The following LRMDA variants were observed in gnomAD, a reference collection of about 807,000 sequenced individuals.
The protein encoded by LRMDA is leucine rich melanocyte differentiation associated, also known as leucine-rich melanocyte differentiation-associated protein.
Under a neutral mutation model 29.8 loss-of-function variants are expected in LRMDA, and 18 were observed. The observed-to-expected ratio is 0.60, with a 90% CI of 0.42 to 0.90. LRMDA has a LOEUF of 0.90. LRMDA is among the 40% of genes least tolerant of loss of function. The pLI is 0.00. For synonymous variants in LRMDA, 125 were observed against 109.4 expected, an observed-to-expected ratio of 1.14 and a Z score of -0.89; for missense variants, 273 against 273.9, an observed-to-expected ratio of 1.00 and a Z score of 0.02.
chr10:75,659,006 A>G (rs1841714458), intron 2 of LRMDA, among the ~76,000 whole-genome samples: 1 of 152,190 alleles, frequency 6.6e-6, no homozygotes, highest in East Asian at 1.9e-4. Context: ...GAGAAGCTTG[A>G]TGGGCCTGGC....
chr10:75,710,193 A>G (rs1386405941), intron 2 of LRMDA, among the ~76,000 whole-genome samples: 2 of 152,232 alleles, frequency 1.3e-5, no homozygotes, highest in Non-Finnish European at 2.9e-5. Flanking sequence ...ATCAGAATCT[A>G]ATTTTTAGCA....
chr10:75,569,867 T>C (rs1490652688), intron 2 of LRMDA, among the ~76,000 whole-genome samples: 2 of 152,208 alleles, frequency 1.3e-5, no homozygotes, highest in African/African-American at 4.8e-5. Context: ...TTTTAATGTC[T>C]TTGCTGATGG....
chr10:75,471,327 A>T lies in LRMDA; in HGVS notation c.131+32833A>T, dbSNP rs1844723782. 2.0e-5 allele frequency among the ~76,000 whole-genome samples: 3 copies of T among 151,786 alleles called. No individual in the cohort carries two copies. The South Asian group carries it at 6.2e-4, about 32-fold the overall frequency. On this transcript the variant is annotated intron_variant, in intron 2 of 6. Transcript: ENST00000611255. Reference sequence around the variant, plus strand: ...CCTTTTTTTTTTTCTGTTGAAAACCATAATTCTACCCAAAGAGCCGTGTCT... The same window carrying T: ...CCTTTTTTTTTTTCTGTTGAAAACCTTAATTCTACCCAAAGAGCCGTGTCT...
At chr10:76,106,761 A>G (rs968325211) in intron 5 of LRMDA, among the ~76,000 whole-genome samples, 75 of 152,314 alleles carry the variant, frequency 4.9e-4, no homozygotes, top group Middle Eastern at 3.4e-3. Flanking sequence ...TCTCTATTAC[A>G]TCTTCTGGAG....
intron 5 of LRMDA, among the ~76,000 whole-genome samples, chr10:76,101,437 C>T: frequency 6.6e-6 from 1 of 152,090 alleles, no homozygotes; most frequent in East Asian, 1.9e-4. Flanking sequence ...ATCCCCTTTT[C>T]CTTTTAAAAA....
rs1377543536 is a variant in LRMDA at position 76,554,418 on chromosome 10, G to A, written c.602-2791G>A. Among the ~76,000 whole-genome samples, 11 of 152,102 alleles carry A rather than the reference G, an allele frequency of 7.2e-5. No individual in the cohort carries two copies. The South Asian group carries it at 1.0e-3, about 14-fold the overall frequency. On this transcript the variant is annotated intron_variant, in intron 6 of 6. Coordinates refer to ENST00000611255, the MANE Select transcript of LRMDA (RefSeq NM_001305581.2). ...TTTGTTTGAAGTCTGCCCTTTTGTC[G>A]TTAATGCACTTGATGTCTATTTAAA...
intron 2 of LRMDA, among the ~76,000 whole-genome samples, chr10:75,479,425 T>C (rs1844832984): frequency 6.7e-6 from 1 of 150,314 alleles, no homozygotes; most frequent in Non-Finnish European, 1.5e-5. Flanking sequence ...GATAATGGCA[T>C]GAACCTGGGA....
intron 2 of LRMDA, among the ~76,000 whole-genome samples, chr10:75,457,686 G>A (rs909855647): frequency 1.3e-5 from 2 of 152,090 alleles, no homozygotes; most frequent in Admixed American, 1.3e-4. Context: ...ACCAGTTTTT[G>A]GTTCTATCTC....
At chr10:76,281,127 C>A (rs1359694787) in intron 5 of LRMDA, among the ~76,000 whole-genome samples, 1 of 152,154 alleles carries the variant, frequency 6.6e-6, no homozygotes, top group Non-Finnish European at 1.5e-5. Flanking sequence ...GAATGACAGG[C>A]TCTCAATTTT....
chr10:76,178,277 G>A (rs1322572656), intron 5 of LRMDA, among the ~76,000 whole-genome samples: 1 of 152,086 alleles, frequency 6.6e-6, no homozygotes, highest in African/African-American at 2.4e-5. Flanking sequence ...TGGTAGACCA[G>A]GCCAACCATG....
At chr10:76,112,959 A>T (rs1849606340) in intron 5 of LRMDA, among the ~76,000 whole-genome samples, 1 of 152,210 alleles carries the variant, frequency 6.6e-6, no homozygotes, top group Admixed American at 6.5e-5. Context: ...CTGACATGAG[A>T]ATAAACAACA....
intron 2 of LRMDA, among the ~76,000 whole-genome samples, chr10:76,022,786 GAATA>G (rs1231863654): frequency 1.3e-5 from 2 of 152,146 alleles, no homozygotes; most frequent in African/African-American, 4.8e-5. Context: ...GCTGTAGGGG[GAATA>G]AATAAATGAA....
chr10:76,276,389 C>G (rs963258480), intron 5 of LRMDA, among the ~76,000 whole-genome samples: 1 of 152,016 alleles, frequency 6.6e-6, no homozygotes, highest in South Asian at 2.1e-4. Flanking sequence ...AGTGATCCTC[C>G]CACCTTGGCC....
chr10:75,954,073 C>A (rs2132422527), intron 2 of LRMDA, among the ~76,000 whole-genome samples: 1 of 152,300 alleles, frequency 6.6e-6, no homozygotes, highest in East Asian at 1.9e-4. Context: ...CTCCTAGAAG[C>A]AGAAAGTGGA....
intron 2 of LRMDA, among the ~76,000 whole-genome samples, chr10:75,744,577 T>C (rs1414596301): frequency 6.6e-6 from 1 of 152,170 alleles, no homozygotes; most frequent in Non-Finnish European, 1.5e-5. Flanking sequence ...GACCAACTTA[T>C]CCAGCTCCCC....
intron 2 of LRMDA, among the ~76,000 whole-genome samples, chr10:75,727,094 T>G (rs1281577568): frequency 6.6e-6 from 1 of 152,232 alleles, no homozygotes; most frequent in East Asian, 1.9e-4. Context: ...TAGCTTTAGC[T>G]GGCTTTCCTC....
At chr10:75,662,255 G>A (rs957817141) in intron 2 of LRMDA, among the ~76,000 whole-genome samples, 20 of 152,222 alleles carry the variant, frequency 1.3e-4, no homozygotes, top group African/African-American at 4.1e-4. Context: ...CTCTGATGAA[G>A]TAGAGATGAA....
chr10:75,804,683 CTCTG>C (rs1843817226), intron 2 of LRMDA, among the ~76,000 whole-genome samples: 1 of 152,210 alleles, frequency 6.6e-6, no homozygotes, highest in Non-Finnish European at 1.5e-5. Context: ...GTGGGGCTTG[CTCTG>C]GGAGGGGCTC....
At chr10:76,171,385 C>T (rs66508135) in intron 5 of LRMDA, among the ~76,000 whole-genome samples, 24,626 of 152,200 alleles carry the variant, frequency 0.16, 2,736 homozygotes, top group East Asian at 0.52. Flanking sequence ...TTGACACACC[C>T]GCCTTGGCCT....
Sources: allele counts gnomAD v4.1 joint callset (sites outside exome capture counted in the v4.1 genomes callset), GRCh38; gene constraint gnomAD v4.1.1; transcripts MANE v1.5; gene names NCBI Gene and HGNC (gene_info 2026-07-23, HGNC 2026-07-21).